Variants in SIPA1L3 observed in about 807,000 individuals in gnomAD.
SIPA1L3 encodes the protein signal-induced proliferation-associated 1-like protein 3.
A neutral mutation model predicts 150.1 loss-of-function variants in SIPA1L3; 59 were observed. That is an observed-to-expected ratio of 0.39 (90% CI 0.32 to 0.49). The LOEUF is 0.49. Among genes scored for constraint, SIPA1L3 ranks in the 20% least tolerant of loss-of-function variants. SIPA1L3 has a pLI of 0.86. For synonymous variants in SIPA1L3, 1,070 were observed against 1,077.6 expected, an observed-to-expected ratio of 0.99 and a Z score of 0.14; for missense variants, 2,211 against 2,489.5, an observed-to-expected ratio of 0.89 and a Z score of 2.38.
At chr19:38,109,539 C>T (rs1437087463) in intron 7 of SIPA1L3, 1 of 152,330 alleles carries the variant, frequency 6.6e-6, no homozygotes, top group Non-Finnish European at 1.5e-5. Flanking sequence ...CAGTCAGGGT[C>T]CAGGGAAGGG....
rs201766021 is a variant in SIPA1L3 at position 38,082,038 on chromosome 19, C to G, written c.473C>G (p.Ser158Cys). 143 of 1,614,004 alleles carry G rather than the reference C, an allele frequency of 8.9e-5. 1 individual carries two copies. In the Middle Eastern group the frequency reaches 1.2e-3, roughly 13 times the overall value. The change falls in exon 3 of 22, where the codon TCC (serine) becomes TGC (cysteine). Residue 158 changes from serine (S) to cysteine (C), a missense_variant. This residue lies in a region of SIPA1L3 where 587 missense variants were observed against 534.5 expected (regional missense o/e 1.10). Transcript: ENST00000222345. ...DVEFQDGWPRSPGRAFLPLRH... is the reference protein window; with the variant it reads ...DVEFQDGWPRCPGRAFLPLRH... ...GAGTTCCAGGACGGGTGGCCCCGGT[C>G]CCCCGGCAGGGCCTTCCTCCCCCTT...
rs1969996184 is a variant in SIPA1L3, at chr19:38,082,003, C to T, written c.438C>T (p.Ser146=). ...TCCACCGACTCTCCAGGAGAAGGTC[C>T]AAAGACGTGGAGTTCCAGGACGGGT... ...KAFHRLSRRR[S]KDVEFQDGWP... is the part of the protein sequence containing the mutation. The change falls in exon 3 of 22, where the codon TCC becomes TCT. Residue 146 remains serine, a synonymous_variant. Coordinates refer to ENST00000222345, the MANE Select transcript of SIPA1L3 (RefSeq NM_015073.3). 1.9e-6 allele frequency: 3 copies of T among 1,614,228 alleles called. No homozygotes were observed. Among genetic ancestry groups the T allele is most frequent in the Non-Finnish European group, 2.5e-6 (3 of 1,180,022 alleles).
At chr19:37,996,409 C>G (rs1967639825) in intron 1 of SIPA1L3, among the ~76,000 whole-genome samples, 1 of 152,066 alleles carries the variant, frequency 6.6e-6, no homozygotes, top group South Asian at 2.1e-4. Context: ...GATAAGTAAA[C>G]ATCACATATA....
chr19:38,196,752 G>A (rs1972960463), intron 18 of SIPA1L3, among the ~76,000 whole-genome samples: 1 of 150,510 alleles, frequency 6.6e-6, no homozygotes, highest in Non-Finnish European at 1.5e-5. Context: ...GAGGCCGAGG[G>A]GGGAGCCAGG....
chr19:38,139,730 G>A (rs1568571489), intron 10 of SIPA1L3, among the ~76,000 whole-genome samples: 2 of 152,130 alleles, frequency 1.3e-5, no homozygotes, highest in African/African-American at 4.8e-5. Flanking sequence ...ATCGGATAAT[G>A]GATAAAGAAC....
intron 10 of SIPA1L3, among the ~76,000 whole-genome samples, chr19:38,138,909 A>C (rs186722277): frequency 0.014 from 1,976 of 145,096 alleles, 131 homozygotes; most frequent in Middle Eastern, 0.067. Flanking sequence ...AAAAAAAAAA[A>C]AAAAAACTGA....
chr19:37,908,350 A>G (rs2046352528), intron 1 of SIPA1L3, among the ~76,000 whole-genome samples: 1 of 152,156 alleles, frequency 6.6e-6, no homozygotes, highest in South Asian at 2.1e-4. Flanking sequence ...GCCATCTCTC[A>G]CTAAGTAGCA....
intron 1 of SIPA1L3, among the ~76,000 whole-genome samples, chr19:38,008,833 T>C: frequency 6.6e-6 from 1 of 151,934 alleles, no homozygotes; most frequent in East Asian, 2.0e-4. Context: ...GTGCTGAGAT[T>C]ACAGGCATGA....
chr19:38,003,843 C>T (rs566254581), intron 1 of SIPA1L3, among the ~76,000 whole-genome samples: 1 of 152,312 alleles, frequency 6.6e-6, no homozygotes, highest in African/African-American at 2.4e-5. Flanking sequence ...AGGGCTTCCT[C>T]CGCCACCCAG....
chr19:38,117,984 C>G (rs577253981), intron 8 of SIPA1L3, among the ~76,000 whole-genome samples: 1 of 152,104 alleles, frequency 6.6e-6, no homozygotes, highest in Non-Finnish European at 1.5e-5. Flanking sequence ...GAGTTGCTAT[C>G]AGATTTTGAT....
At chr19:38,155,905 ACC>A (rs1167631813) in intron 13 of SIPA1L3, among the ~76,000 whole-genome samples, 1 of 152,068 alleles carries the variant, frequency 6.6e-6, no homozygotes, top group Non-Finnish European at 1.5e-5. Flanking sequence ...ACTTGGCGAA[ACC>A]CCTTCTCTAC....
rs773336434 is a variant in SIPA1L3, at chr19:38,206,251, C to T, written c.*11C>T. 59 of 1,538,436 alleles carry T rather than the reference C, an allele frequency of 3.8e-5. No homozygotes were observed. Among genetic ancestry groups the T allele is most frequent in the Middle Eastern group, 3.4e-4 (2 of 5,946 alleles). On this transcript the variant is annotated 3_prime_UTR_variant, in exon 22 of 22. Coordinates refer to ENST00000222345, the MANE Select transcript of SIPA1L3 (RefSeq NM_015073.3). ...AAGAAGGAGCTCTGAGGTGGGAGGC[C>T]GCCGCCCGCCTTCGCTCCTTCCCCT...
intron 10 of SIPA1L3, among the ~76,000 whole-genome samples, chr19:38,139,401 G>A (rs1198940297): frequency 6.6e-6 from 1 of 152,176 alleles, no homozygotes; most frequent in African/African-American, 2.4e-5. Flanking sequence ...TATCAGGAGA[G>A]GGGGTGTGGG....
At chr19:38,189,904 C>T (rs1294119374) in intron 16 of SIPA1L3, among the ~76,000 whole-genome samples, 1 of 152,198 alleles carries the variant, frequency 6.6e-6, no homozygotes, top group Non-Finnish European at 1.5e-5. Context: ...GCTTTTTTCA[C>T]ATGACGTCGT....
intron 13 of SIPA1L3, among the ~76,000 whole-genome samples, chr19:38,156,265 T>C (rs1320741796): frequency 6.6e-6 from 1 of 151,926 alleles, no homozygotes; most frequent in Non-Finnish European, 1.5e-5. Context: ...GGATCCCTTT[T>C]TTCCTTTTTC....
intron 4 of SIPA1L3, among the ~76,000 whole-genome samples, chr19:38,092,075 A>AG (rs1362759468): frequency 6.6e-6 from 1 of 151,602 alleles, no homozygotes; most frequent in African/African-American, 2.4e-5. Flanking sequence ...AAAAAAAAAA[A>AG]AAAAGAAAAT....
At chr19:37,913,040 G>T (rs1488285753) in intron 1 of SIPA1L3, among the ~76,000 whole-genome samples, 1 of 152,136 alleles carries the variant, frequency 6.6e-6, no homozygotes, top group Non-Finnish European at 1.5e-5. Flanking sequence ...TGCCATGGTT[G>T]GAAGGTGGCT....
At chr19:38,010,588 G>A (rs1480525339) in intron 1 of SIPA1L3, among the ~76,000 whole-genome samples, 1 of 152,100 alleles carries the variant, frequency 6.6e-6, no homozygotes, top group Non-Finnish European at 1.5e-5. Context: ...GCAGGCACCT[G>A]TAATCCCAGC....
At chr19:38,193,104 G>A (rs1296313185) in intron 17 of SIPA1L3, among the ~76,000 whole-genome samples, 1 of 152,042 alleles carries the variant, frequency 6.6e-6, no homozygotes, top group Non-Finnish European at 1.5e-5. Flanking sequence ...CACTTTGGGT[G>A]GCTAAGGTGA....
Sources: allele counts gnomAD v4.1 joint callset (sites outside exome capture counted in the v4.1 genomes callset), GRCh38; gene constraint gnomAD v4.1.1; regional missense constraint gnomAD v4.1.1; transcripts MANE v1.5; gene names NCBI Gene and HGNC (gene_info 2026-07-23, HGNC 2026-07-21).